Variants in RSPRY1 observed in about 807,000 individuals in gnomAD.
RSPRY1 encodes ring finger and SPRY domain containing 1, also known as RING finger and SPRY domain-containing protein 1.
A neutral mutation model predicts 73.1 loss-of-function variants in RSPRY1; 23 were observed. That is an observed-to-expected ratio of 0.31 (90% CI 0.23 to 0.45). RSPRY1 has a LOEUF of 0.45. RSPRY1 is among the 20% of genes least tolerant of loss of function. RSPRY1 has a pLI of 1.00. For synonymous variants in RSPRY1, 226 were observed against 251.4 expected (o/e 0.90, Z 0.95); for missense variants, 448 against 698.7 (o/e 0.64, Z 4.05).
At chr16:57,209,972 C>T (rs530318870) in intron 4 of RSPRY1, among the ~76,000 whole-genome samples, 5 of 151,732 alleles carry the variant, frequency 3.3e-5, no homozygotes, top group East Asian at 2.0e-4. Context: ...CACTGTGCCC[C>T]GCCACATTCT....
chr16:57,208,544 C>T (rs937957147), intron 3 of RSPRY1, among the ~76,000 whole-genome samples: 1 of 151,308 alleles, frequency 6.6e-6, no homozygotes, highest in Non-Finnish European at 1.5e-5. Context: ...GCACCACAGG[C>T]GCATGCCACA....
chr16:57,225,497 G>A (rs1455598233), intron 10 of RSPRY1, among the ~76,000 whole-genome samples: 1 of 152,188 alleles, frequency 6.6e-6, no homozygotes, highest in African/African-American at 2.4e-5. Context: ...CAAAAATCCA[G>A]TACAAAATCA....
chr16:57,224,859 T>C (rs1184550028), intron 10 of RSPRY1, among the ~76,000 whole-genome samples: 3 of 152,250 alleles, frequency 2.0e-5, no homozygotes, highest in Non-Finnish European at 2.9e-5. Context: ...CAACTCATGG[T>C]GGCTAGCTTC....
intron 1 of RSPRY1, among the ~76,000 whole-genome samples, chr16:57,201,359 G>A (rs537134161): frequency 4.0e-5 from 6 of 151,632 alleles, no homozygotes; most frequent in Admixed American, 6.5e-5. Flanking sequence ...CATCCCAGAC[G>A]GGGCGGCAGG....
intron 1 of RSPRY1, among the ~76,000 whole-genome samples, chr16:57,195,997 G>A (rs1353565437): frequency 6.8e-6 from 1 of 146,034 alleles, no homozygotes; most frequent in African/African-American, 2.5e-5. Flanking sequence ...ACTCCAGCCT[G>A]GCGACAGAGT....
chr16:57,206,008 A>T (rs1335583040), intron 2 of RSPRY1, among the ~76,000 whole-genome samples: 1 of 152,248 alleles, frequency 6.6e-6, no homozygotes, highest in Non-Finnish European at 1.5e-5. Flanking sequence ...GTTCCTCAAA[A>T]ATTAAGCATA....
chr16:57,197,058 T>C (rs1306373503), intron 1 of RSPRY1, among the ~76,000 whole-genome samples: 2 of 152,210 alleles, frequency 1.3e-5, no homozygotes, highest in African/African-American at 4.8e-5. Flanking sequence ...CTTCTGGTAT[T>C]GTGTGTAAAA....
chr16:57,194,337 T>C (rs1367648988), intron 1 of RSPRY1, among the ~76,000 whole-genome samples: 1 of 152,144 alleles, frequency 6.6e-6, no homozygotes, highest in African/African-American at 2.4e-5. Context: ...TAGTAGAATC[T>C]AGGTGGTGGG....
chr16:57,199,458 C>T lies in RSPRY1; in HGVS notation c.-155-5046C>T, dbSNP rs189464909. On this transcript the variant is annotated intron_variant, in intron 1 of 14. Coordinates refer to ENST00000394420, the MANE Select transcript of RSPRY1 (RefSeq NM_133368.3). ...AGTGAGCCAAGATCGTACCATTGCACTCCAGCCTGGGTGACAGAGTGAGAC... is the reference window on the plus strand; with the variant it reads ...AGTGAGCCAAGATCGTACCATTGCATTCCAGCCTGGGTGACAGAGTGAGAC... Among the ~76,000 whole-genome samples, 596 of 152,230 alleles carry T rather than the reference C, an allele frequency of 3.9e-3. 2 individuals are homozygous for T. The highest frequency in any genetic ancestry group is 6.0e-3 in the Non-Finnish European group (410 of 68,010).
chr16:57,194,284 G>A (rs938240159), intron 1 of RSPRY1, among the ~76,000 whole-genome samples: 13 of 152,100 alleles, frequency 8.5e-5, no homozygotes, highest in African/African-American at 3.1e-4. Flanking sequence ...GTTAGTAGTA[G>A]AGTCTAGGTG....
In RSPRY1 at chr16:57,231,391, A is replaced by G; in HGVS notation, c.1529+72A>G. On this transcript the variant is annotated intron_variant, in intron 13 of 14. Coordinates refer to ENST00000394420, the MANE Select transcript of RSPRY1 (RefSeq NM_133368.3). ...TGAGAAATTAAACAATTTATAATCA[A>G]CGTTAAAAGAATATAACAAATAAAT... 4.3e-6 allele frequency: 6 copies of G among 1,407,418 alleles called. 1 individual carries two copies. The African/African-American group carries it at 5.8e-5, about 14-fold the overall frequency. The allele number at this position is 1,407,418 out of a possible 1,614,324, so 87.2% of individuals were successfully genotyped here. A position where few individuals can be genotyped will look rare whatever the true frequency, so the allele number is the denominator to read the frequency against.
intron 14 of RSPRY1, among the ~76,000 whole-genome samples, chr16:57,236,326 TTAGAAC>T (rs1394558945): frequency 3.3e-4 from 50 of 152,296 alleles, no homozygotes; most frequent in African/African-American, 1.2e-3. Context: ...ATATAAAACT[TTAGAAC>T]TAGGTATCTT....
chr16:57,218,475 T>A (rs1474249523), intron 8 of RSPRY1, among the ~76,000 whole-genome samples: 1 of 152,016 alleles, frequency 6.6e-6, no homozygotes, highest in East Asian at 1.9e-4. Context: ...CCAACCCCAT[T>A]TCTCCCCCAC....
At chr16:57,186,208 G>A (rs540760198), upstream of RSPRY1, 4 of 978,852 alleles carry the variant, frequency 4.1e-6, no homozygotes, top group East Asian at 2.3e-4. Context: ...GGCCGGTCCC[G>A]CTGATCACGT....
intron 10 of RSPRY1, among the ~76,000 whole-genome samples, chr16:57,223,064 A>C (rs1405067063): frequency 6.6e-6 from 1 of 152,190 alleles, no homozygotes; most frequent in Non-Finnish European, 1.5e-5. Flanking sequence ...CCCTGATCCA[A>C]GCATTAGGTG....
intron 14 of RSPRY1, among the ~76,000 whole-genome samples, chr16:57,236,656 C>A (rs977563249): frequency 6.6e-6 from 1 of 152,100 alleles, no homozygotes; most frequent in Non-Finnish European, 1.5e-5. Flanking sequence ...GAATAGGTAG[C>A]CCAATTCTAT....
intron 1 of RSPRY1, among the ~76,000 whole-genome samples, chr16:57,201,777 C>T (rs1320614973): frequency 1.3e-5 from 2 of 152,218 alleles, no homozygotes; most frequent in Admixed American, 6.5e-5. Context: ...GCCAACACAG[C>T]GAAACCCCGT....
At chr16:57,235,310 C>G in intron 14 of RSPRY1, 82 bp downstream of exon 14, 1 of 963,666 alleles carries the variant, frequency 1.0e-6, no homozygotes, top group Non-Finnish European at 1.6e-6. Context: ...TTTATTGTAT[C>G]TAAAGCAGGC....
At chr16:57,205,534 C>T (rs2074708083) in intron 2 of RSPRY1, among the ~76,000 whole-genome samples, 1 of 152,192 alleles carries the variant, frequency 6.6e-6, no homozygotes, top group Non-Finnish European at 1.5e-5. Context: ...GTTGATACTG[C>T]AAGGCACACC....
Sources: gnomAD v4.1 joint callset for allele counts (sites outside exome capture counted in the v4.1 genomes callset) on GRCh38, gnomAD v4.1.1 for gene constraint, MANE v1.5 for transcripts, NCBI Gene and HGNC (gene_info 2026-07-23, HGNC 2026-07-21) for gene names.